The following EPHA3 variants were observed in gnomAD, a reference collection of about 807,000 sequenced individuals.
EPHA3 encodes the protein ephrin type-A receptor 3.
A neutral mutation model predicts 107.1 loss-of-function variants in EPHA3; 42 were observed. That is an observed-to-expected ratio of 0.39 (90% confidence interval 0.31 to 0.51). The LOEUF (loss-of-function observed/expected upper bound fraction) is 0.51. Among genes scored for constraint, EPHA3 ranks in the 20% least tolerant of loss-of-function variants. The pLI is 0.78. For missense variants in EPHA3, 1,183 were observed against 1,211.2 expected (o/e 0.98, Z 0.35); for synonymous variants, 461 against 424.8 (o/e 1.09, Z -1.05).
intron 2 of EPHA3, among the ~76,000 whole-genome samples, chr3:89,134,816 A>T (rs1576173850): frequency 6.6e-6 from 1 of 152,314 alleles, no homozygotes; most frequent in East Asian, 1.9e-4. Context: ...CCACTGCTTT[A>T]CAATCCATTT....
intron 5 of EPHA3, among the ~76,000 whole-genome samples, chr3:89,380,297 C>T (rs995156332): frequency 8.5e-5 from 13 of 152,110 alleles, no homozygotes; most frequent in South Asian, 8.3e-4. Flanking sequence ...TCTCACTCGC[C>T]TCAGAAGGTA....
At chr3:89,428,460 T>A (rs1709500012) in intron 11 of EPHA3, among the ~76,000 whole-genome samples, 1 of 152,150 alleles carries the variant, frequency 6.6e-6, no homozygotes, top group African/African-American at 2.4e-5. Context: ...AACTGGTTAT[T>A]ACAAGTTACT....
At chr3:89,474,009 A>G (rs1710459292) in intron 16 of EPHA3, among the ~76,000 whole-genome samples, 2 of 152,110 alleles carry the variant, frequency 1.3e-5, no homozygotes, top group Non-Finnish European at 2.9e-5. Flanking sequence ...ATCTCCCACT[A>G]ATATTTAAAT....
chr3:89,334,889 C>T (rs1707360905), intron 3 of EPHA3, among the ~76,000 whole-genome samples: 1 of 152,142 alleles, frequency 6.6e-6, no homozygotes, highest in Non-Finnish European at 1.5e-5. Flanking sequence ...AGTGCTTTTC[C>T]TCTAACATGC....
At chr3:89,264,350 G>A (rs1470500159) in intron 3 of EPHA3, among the ~76,000 whole-genome samples, 2 of 152,052 alleles carry the variant, frequency 1.3e-5, no homozygotes, top group Non-Finnish European at 2.9e-5. Flanking sequence ...ATTCCACTGG[G>A]TTTCAAGGCC....
intron 3 of EPHA3, among the ~76,000 whole-genome samples, chr3:89,329,054 G>A (rs186825230): frequency 2.0e-4 from 30 of 152,096 alleles, no homozygotes; most frequent in Admixed American, 1.9e-3. Flanking sequence ...TTTTTTGCAT[G>A]TTATAAAAAG....
At chr3:89,345,420 G>A (rs558599079) in intron 5 of EPHA3, among the ~76,000 whole-genome samples, 3 of 151,244 alleles carry the variant, frequency 2.0e-5, no homozygotes, top group Admixed American at 6.6e-5. Context: ...ATTCACATGT[G>A]TGAAAATATT....
Position 89,350,214 on chromosome 3 carries a change from T to C in EPHA3, c.1306+8124T>C, listed in dbSNP as rs560247562. Reference sequence around the variant, plus strand: ...CTGGATAATATCCTGCAGAGTGTTTTCCAACTTGGTTCCATTCTCCCCGTC... The same window carrying C: ...CTGGATAATATCCTGCAGAGTGTTTCCCAACTTGGTTCCATTCTCCCCGTC... On this transcript the variant is annotated intron_variant, in intron 5 of 16. Coordinates refer to ENST00000336596, the MANE Select transcript of EPHA3 (RefSeq NM_005233.6). 6.0e-3 allele frequency among the ~76,000 whole-genome samples: 907 copies of C among 151,098 alleles called. 12 individuals carry two copies. Among genetic ancestry groups the C allele is most frequent in the African/African-American group, 0.021 (849 of 41,330 alleles).
At chr3:89,203,544 C>T (rs1333951274) in intron 2 of EPHA3, among the ~76,000 whole-genome samples, 1 of 151,612 alleles carries the variant, frequency 6.6e-6, no homozygotes, top group Admixed American at 6.6e-5. Flanking sequence ...GAGGCCGAGG[C>T]GGGCAGATCA....
At chr3:89,257,764 G>A (rs1306731049) in intron 3 of EPHA3, among the ~76,000 whole-genome samples, 1 of 151,442 alleles carries the variant, frequency 6.6e-6, no homozygotes, top group Non-Finnish European at 1.5e-5. Flanking sequence ...AAAGGTGGTA[G>A]GAGTGAGATG....
At chr3:89,359,962 G>A (rs144976004) in intron 5 of EPHA3, among the ~76,000 whole-genome samples, 1,658 of 149,368 alleles carry the variant, frequency 0.011, 91 homozygotes, top group Middle Eastern at 0.021. Context: ...GGGCATTTTC[G>A]AGATATCATT....
chr3:89,360,008 T>C (rs1226234971), intron 5 of EPHA3, among the ~76,000 whole-genome samples: 2 of 149,932 alleles, frequency 1.3e-5, no homozygotes, highest in Non-Finnish European at 3.0e-5. Context: ...GAGACATTAT[T>C]ACCCTTATTT....
intron 7 of EPHA3, among the ~76,000 whole-genome samples, chr3:89,403,349 TTC>T (rs1392303876): frequency 6.6e-6 from 1 of 152,184 alleles, no homozygotes; most frequent in Non-Finnish European, 1.5e-5. Flanking sequence ...CTATAAGTTA[TTC>T]AGATACTATT....
At chr3:89,273,119 T>C (rs1705719645) in intron 3 of EPHA3, among the ~76,000 whole-genome samples, 1 of 151,968 alleles carries the variant, frequency 6.6e-6, no homozygotes, top group Non-Finnish European at 1.5e-5. Flanking sequence ...AACGTTTGTA[T>C]GCATTGTGAG....
intron 3 of EPHA3, among the ~76,000 whole-genome samples, chr3:89,286,880 ACT>A (rs1400860998): frequency 6.6e-6 from 1 of 151,006 alleles, no homozygotes. Flanking sequence ...ACTCTCCTAC[ACT>A]CTTATTCTCT....
chr3:89,261,739 A>G (rs1479821838), intron 3 of EPHA3, among the ~76,000 whole-genome samples: 1 of 152,050 alleles, frequency 6.6e-6, no homozygotes, highest in African/African-American at 2.4e-5. Flanking sequence ...TAACTCTAGT[A>G]TATTGTCCTT....
intron 3 of EPHA3, among the ~76,000 whole-genome samples, chr3:89,332,082 C>G (rs191836835): frequency 6.6e-6 from 1 of 152,262 alleles, no homozygotes; most frequent in African/African-American, 2.4e-5. Context: ...CTCGCTCTGG[C>G]CCTTCCCACA....
intron 2 of EPHA3, among the ~76,000 whole-genome samples, chr3:89,128,337 C>T (rs1416445064): frequency 2.6e-5 from 4 of 152,050 alleles, no homozygotes; most frequent in Non-Finnish European, 5.9e-5. Context: ...AAAATCAAGC[C>T]TTCATTAGTT....
At chr3:89,291,427 G>C (rs1204994884) in intron 3 of EPHA3, among the ~76,000 whole-genome samples, 1 of 152,022 alleles carries the variant, frequency 6.6e-6, no homozygotes, top group Non-Finnish European at 1.5e-5. Flanking sequence ...GTATTATCTA[G>C]AAATTATGTA....
Sources: allele counts gnomAD v4.1 joint callset (sites outside exome capture counted in the v4.1 genomes callset), GRCh38; gene constraint gnomAD v4.1.1; transcripts MANE v1.5; gene names NCBI Gene and HGNC (gene_info 2026-07-23, HGNC 2026-07-21).